Variants in PPP2R5A observed in about 807,000 individuals in gnomAD.
The protein encoded by PPP2R5A is protein phosphatase 2 regulatory subunit B'alpha.
A neutral mutation model predicts 64.2 loss-of-function variants in PPP2R5A; 25 were observed. That is an observed-to-expected ratio of 0.39 (90% CI 0.28 to 0.54). PPP2R5A has a LOEUF of 0.54. Ranked by LOEUF, PPP2R5A falls within the 20% of genes least tolerant of loss-of-function variation. The pLI is 0.67. For missense variants in PPP2R5A, 425 were observed against 576.3 expected, an observed-to-expected ratio of 0.74 and a Z score of 2.69; for synonymous variants, 198 against 201.2, an observed-to-expected ratio of 0.98 and a Z score of 0.13.
chr1:212,358,697 C>T lies in PPP2R5A; in HGVS notation c.1238C>T (p.Ala413Val). The T allele has an allele frequency of 1.2e-6, 2 of 1,611,490 alleles. No individual in the cohort carries two copies. The highest frequency in any genetic ancestry group is 1.7e-6 in the Non-Finnish European group (2 of 1,178,320). Residue 413 changes from alanine to valine, a missense_variant, in exon 12 of 13, where the codon GCA becomes GTA. Ala to Val is a moderately conservative substitution (Grantham distance 64). This residue lies in a region of PPP2R5A where 177 missense variants were observed against 244.8 expected (regional missense o/e 0.72). Transcript: ENST00000261461. ...CATTTTCATTTCAGGACCATTGTAGCACTGGTATACAATGTGCTGAAAACC... is the reference window on the plus strand; with the variant it reads ...CATTTTCATTTCAGGACCATTGTAGTACTGGTATACAATGTGCTGAAAACC... Reference protein sequence around the residue: ...SKEHWNPTIVALVYNVLKTLM... With the variant: ...SKEHWNPTIVVLVYNVLKTLM...
chr1:212,333,465 A>G (rs777744326), intron 2 of PPP2R5A, 32 bp from the exon 3 acceptor site: 29 of 1,376,084 alleles, frequency 2.1e-5, no homozygotes, highest in Non-Finnish European at 2.8e-5. Context: ...TACACATACA[A>G]CAACGAACGT....
chr1:212,291,214 G>A (rs577494944), intron 1 of PPP2R5A, among the ~76,000 whole-genome samples: 2 of 152,092 alleles, frequency 1.3e-5, no homozygotes, highest in Admixed American at 1.3e-4. Flanking sequence ...AGGTTCAAGC[G>A]ATTCTCTTGC....
intron 3 of PPP2R5A, among the ~76,000 whole-genome samples, chr1:212,340,144 T>C (rs561301331): frequency 2.0e-5 from 3 of 151,430 alleles, no homozygotes; most frequent in South Asian, 2.1e-4. Flanking sequence ...TAAATAAATA[T>C]ATATATTTTT....
At chr1:212,326,610 C>A (rs1175161749) in intron 1 of PPP2R5A, among the ~76,000 whole-genome samples, 1 of 151,828 alleles carries the variant, frequency 6.6e-6, no homozygotes, top group Non-Finnish European at 1.5e-5. Context: ...AAAAAAGTGA[C>A]CCTGAATCAA....
In PPP2R5A at chr1:212,342,292, T is replaced by C. The variant is rs1302075302; in HGVS notation, c.573+12T>C. On this transcript the variant is annotated intron_variant, in intron 4 of 12. Coordinates refer to ENST00000261461, the MANE Select transcript of PPP2R5A (RefSeq NM_006243.4). Reference sequence around the variant, plus strand: ...AATTCGTACAACAGGTAAGGAACTCTTTTGTCTTAGATTCTCATATATTCA... The same window carrying C: ...AATTCGTACAACAGGTAAGGAACTCCTTTGTCTTAGATTCTCATATATTCA... 6.2e-7 allele frequency: 1 copy of C among 1,610,080 alleles called. No homozygotes were observed. Among genetic ancestry groups the C allele is most frequent in the African/African-American group, 1.3e-5 (1 of 74,798 alleles).
intron 3 of PPP2R5A, among the ~76,000 whole-genome samples, chr1:212,335,092 T>C (rs2102436427): frequency 6.6e-6 from 1 of 152,248 alleles, no homozygotes; most frequent in South Asian, 2.1e-4. Context: ...TATATATGGA[T>C]TCTAGGTATT....
At chr1:212,292,535 T>A (rs543534206) in intron 1 of PPP2R5A, among the ~76,000 whole-genome samples, 15 of 152,214 alleles carry the variant, frequency 9.9e-5, no homozygotes, top group Non-Finnish European at 2.2e-4. Context: ...TGTTTGGTGC[T>A]ATCTACCAGA....
At chr1:212,321,144 C>T (rs1571591305) in intron 1 of PPP2R5A, among the ~76,000 whole-genome samples, 7 of 131,780 alleles carry the variant, frequency 5.3e-5, no homozygotes, top group South Asian at 2.4e-4. Flanking sequence ...GGGCGGCCGG[C>T]AGAGGCGCCC....
intron 1 of PPP2R5A, among the ~76,000 whole-genome samples, chr1:212,323,247 T>A (rs1659344353): frequency 6.6e-6 from 1 of 152,254 alleles, no homozygotes; most frequent in Non-Finnish European, 1.5e-5. Flanking sequence ...TTCTGTGTTC[T>A]GTATCTGGCC....
chr1:212,358,871 A>AG, intron 12 of PPP2R5A, 84 bp downstream of exon 12: 1 of 1,076,766 alleles, frequency 9.3e-7, no homozygotes, highest in Non-Finnish European at 1.3e-6. Flanking sequence ...ATCTTCTCTC[A>AG]GTTCAGATTT....
chr1:212,342,985 C>T (rs1477435626), intron 4 of PPP2R5A, among the ~76,000 whole-genome samples: 2 of 151,530 alleles, frequency 1.3e-5, no homozygotes, highest in Non-Finnish European at 2.9e-5. Flanking sequence ...TCTTGTTCTG[C>T]TGCCCAGACT....
chr1:212,304,565 A>G (rs941824768), intron 1 of PPP2R5A, among the ~76,000 whole-genome samples: 1 of 151,924 alleles, frequency 6.6e-6, no homozygotes, highest in Non-Finnish European at 1.5e-5. Context: ...CAAACAAAAA[A>G]AGAGATGGGG....
intron 1 of PPP2R5A, among the ~76,000 whole-genome samples, chr1:212,316,186 C>T (rs1659149124): frequency 6.6e-6 from 1 of 152,160 alleles, no homozygotes; most frequent in African/African-American, 2.4e-5. Context: ...AATGATTAAG[C>T]TTAGTGAGGA....
At chr1:212,310,063 T>G (rs558690027) in intron 1 of PPP2R5A, among the ~76,000 whole-genome samples, 2 of 152,334 alleles carry the variant, frequency 1.3e-5, no homozygotes, top group South Asian at 2.1e-4. Context: ...CCCAGGCACC[T>G]TGGGATGACA....
chr1:212,302,571 C>T (rs1658816763), intron 1 of PPP2R5A, among the ~76,000 whole-genome samples: 1 of 152,184 alleles, frequency 6.6e-6, no homozygotes, highest in South Asian at 2.1e-4. Context: ...ATTTTAGAGA[C>T]CAGAGCTTAA....
rs1486599996 is a variant in PPP2R5A at position 212,326,431 on chromosome 1, T to TA, written c.182-2696dup. 4.6e-5 allele frequency among the ~76,000 whole-genome samples: 7 copies of TA among 151,662 alleles called. No individual in the cohort carries two copies. In the East Asian group the frequency reaches 7.8e-4, roughly 17 times the overall value. On this transcript the variant is annotated intron_variant, in intron 1 of 12. Coordinates refer to ENST00000261461, the MANE Select transcript of PPP2R5A (RefSeq NM_006243.4). Reference sequence around the variant, plus strand: ...CAACATGGTGAAACTTCATCTCTATTAAAAAAAATACAAAAATTAGCTGGG... The same window carrying TA: ...CAACATGGTGAAACTTCATCTCTATTAAAAAAAAATACAAAAATTAGCTGGG...
At chr1:212,300,408 G>A (rs1658777796) in intron 1 of PPP2R5A, among the ~76,000 whole-genome samples, 1 of 151,446 alleles carries the variant, frequency 6.6e-6, no homozygotes, top group East Asian at 1.9e-4. Context: ...TAAAGAATAT[G>A]TAATGGGAAG....
intron 1 of PPP2R5A, among the ~76,000 whole-genome samples, chr1:212,318,775 AAT>A (rs1659206568): frequency 6.6e-6 from 1 of 152,240 alleles, no homozygotes; most frequent in African/African-American, 2.4e-5. Context: ...TTCCTTAAAT[AAT>A]ATAACAACTG....
At position 212,318,095 on chromosome 1, in the gene PPP2R5A, T is replaced by C. The variant is rs185517258; in HGVS notation, c.182-11040T>C. 4.8e-3 allele frequency among the ~76,000 whole-genome samples: 725 copies of C among 152,382 alleles called. 4 individuals carry two copies. Among genetic ancestry groups the C allele is most frequent in the Non-Finnish European group, 7.7e-3 (524 of 68,040 alleles). Reference sequence around the variant, plus strand: ...ATCCTCCAAAGATGAAATTGTGCCTTTCCCTAGAGTTATCTTGAGTCACCC... The same window carrying C: ...ATCCTCCAAAGATGAAATTGTGCCTCTCCCTAGAGTTATCTTGAGTCACCC... On this transcript the variant is annotated intron_variant, in intron 1 of 12. Transcript: ENST00000261461.
Sources: allele counts gnomAD v4.1 joint callset (sites outside exome capture counted in the v4.1 genomes callset), GRCh38; gene constraint gnomAD v4.1.1; regional missense constraint gnomAD v4.1.1; transcripts MANE v1.5; gene names NCBI Gene and HGNC (gene_info 2026-07-23, HGNC 2026-07-21).